ERBB4: variants seen among roughly 807,000 people sequenced by gnomAD.
The protein encoded by ERBB4 is erb-b2 receptor tyrosine kinase 4.
In ERBB4, 42 loss-of-function variants were observed where a neutral mutation model predicts 158.0. The observed-to-expected ratio is 0.27, with a 90% CI of 0.21 to 0.34. The LOEUF (loss-of-function observed/expected upper bound fraction) is 0.34, where lower values mean the gene tolerates loss of function less well. ERBB4 is among the 10% of genes least tolerant of loss of function. The probability of loss-of-function intolerance (pLI) is 1.00; values close to 1 mark genes in which losing one functional copy is unlikely to be tolerated. For synonymous variants in ERBB4, 583 were observed against 558.7 expected (o/e 1.04, Z -0.61); for missense variants, 1,333 against 1,624.1 (o/e 0.82, Z 3.08).
At chr2:211,928,871 A>C (rs984982330) in intron 3 of ERBB4, among the ~76,000 whole-genome samples, 1 of 152,190 alleles carries the variant, frequency 6.6e-6, no homozygotes, top group Non-Finnish European at 1.5e-5. Context: ...CTAAAGCTCC[A>C]AAAACAATGA....
intron 3 of ERBB4, among the ~76,000 whole-genome samples, chr2:211,839,149 G>C (rs2077409081): frequency 1.1e-5 from 1 of 89,178 alleles, no homozygotes; most frequent in Non-Finnish European, 2.2e-5. Context: ...GAGGGAGAGA[G>C]AGAAGGAGGA....
intron 2 of ERBB4, chr2:211,960,661 T>A (rs151229613): frequency 5.5e-4 from 83 of 152,232 alleles, no homozygotes; most frequent in Admixed American, 2.0e-3. Context: ...AAATTGAGTG[T>A]CTTGTGAGGA....
chr2:212,215,533 T>G (rs1426979427), intron 1 of ERBB4, among the ~76,000 whole-genome samples: 1 of 151,390 alleles, frequency 6.6e-6, no homozygotes, highest in Non-Finnish European at 1.5e-5. Flanking sequence ...TAGCATGAAA[T>G]AGAAATAATA....
At chr2:212,245,355 A>G (rs922198662) in intron 1 of ERBB4, among the ~76,000 whole-genome samples, 4 of 152,156 alleles carry the variant, frequency 2.6e-5, no homozygotes, top group Non-Finnish European at 4.4e-5. Context: ...TCCTGTTACT[A>G]TCTCATGAAA....
At chr2:212,061,319 G>A (rs2077756853) in intron 2 of ERBB4, among the ~76,000 whole-genome samples, 1 of 151,614 alleles carries the variant, frequency 6.6e-6, no homozygotes, top group African/African-American at 2.4e-5. Context: ...AGGGTGTGGT[G>A]GTTCGTGACT....
rs2125683276 is a variant in ERBB4, at chr2:211,541,187, A to G, written c.2487+20716T>C. Among the ~76,000 whole-genome samples, 4 of 152,036 alleles carry G rather than the reference A, an allele frequency of 2.6e-5. 1 individual carries two copies. The Middle Eastern group carries it at 0.01, about 388-fold the overall frequency. On this transcript the variant is annotated intron_variant, in intron 20 of 27. Coordinates refer to ENST00000342788, the MANE Select transcript of ERBB4 (RefSeq NM_005235.3). Reference sequence around the variant, plus strand: ...TTAAATATACTTGTCTTGGCGCTCAAGGGATTTATGCTATTTCCTCATAGA... The same window carrying G: ...TTAAATATACTTGTCTTGGCGCTCAGGGGATTTATGCTATTTCCTCATAGA...
intron 1 of ERBB4, among the ~76,000 whole-genome samples, chr2:212,391,103 T>C (rs73060379): frequency 0.025 from 3,745 of 151,848 alleles, 146 homozygotes; most frequent in African/African-American, 0.084. Flanking sequence ...AATATTTCCA[T>C]TACTTTAACA....
chr2:211,384,140 CTTCT>C, intron 27 of ERBB4, 80 bp from the exon 28 acceptor site: 1 of 1,020,184 alleles, frequency 9.8e-7, no homozygotes, highest in African/African-American at 1.6e-5. Flanking sequence ...TAATGGTTAG[CTTCT>C]TTGTCTAGAA....
chr2:212,375,578 T>C (rs1217856454), intron 1 of ERBB4, among the ~76,000 whole-genome samples: 1 of 152,082 alleles, frequency 6.6e-6, no homozygotes, highest in African/African-American at 2.4e-5. Flanking sequence ...TTCTGGATGT[T>C]ACAGTTCTTA....
intron 12 of ERBB4, among the ~76,000 whole-genome samples, chr2:211,687,119 A>G (rs1255941412): frequency 7.8e-5 from 10 of 127,678 alleles, no homozygotes; most frequent in African/African-American, 2.9e-4. Context: ...ACATGGTGAA[A>G]CCCCATCTCT....
chr2:212,410,922 T>C (rs2091479520), intron 1 of ERBB4, among the ~76,000 whole-genome samples: 1 of 152,100 alleles, frequency 6.6e-6, no homozygotes, highest in South Asian at 2.1e-4. Context: ...AATAATGAAC[T>C]ACAGCTACAC....
At chr2:211,900,489 A>G (rs189822274) in intron 3 of ERBB4, among the ~76,000 whole-genome samples, 4 of 152,226 alleles carry the variant, frequency 2.6e-5, no homozygotes, top group Admixed American at 2.0e-4. Context: ...AGAAAAAAAA[A>G]GGTTCCTGTT....
chr2:212,164,846 A>T (rs1392014077), intron 1 of ERBB4, among the ~76,000 whole-genome samples: 2 of 152,056 alleles, frequency 1.3e-5, no homozygotes, highest in Non-Finnish European at 2.9e-5. Flanking sequence ...ATTTTGAATA[A>T]AGAACCTGCA....
intron 19 of ERBB4, among the ~76,000 whole-genome samples, chr2:211,580,862 T>TAG (rs2068070774): frequency 2.0e-4 from 1 of 4,910 alleles, no homozygotes; most frequent in Non-Finnish European, 1.5e-3. Flanking sequence ...ATAGTATGCA[T>TAG]ATACATATAT....
intron 1 of ERBB4, among the ~76,000 whole-genome samples, chr2:212,449,271 C>G (rs1291540382): frequency 6.6e-6 from 1 of 152,082 alleles, no homozygotes; most frequent in Admixed American, 6.5e-5. Context: ...GCACATTAAT[C>G]AACTAAAATA....
In ERBB4 at chr2:212,499,669, T is replaced by C. The variant is rs568937369; in HGVS notation, c.82+38780A>G. On this transcript the variant is annotated intron_variant, in intron 1 of 27. Coordinates refer to ENST00000342788, the MANE Select transcript of ERBB4 (RefSeq NM_005235.3). The stretch of plus-strand genomic sequence containing the variant: ...AGGATGATAGCATAAAATCAATAAC[T>C]ATAACCATCCATGTTTGAAGGAATG... Among the ~76,000 whole-genome samples, 96 of 152,178 alleles carry C rather than the reference T, an allele frequency of 6.3e-4. 3 individuals carry two copies. The South Asian group carries it at 0.019, about 30-fold the overall frequency.
chr2:212,166,126 C>A (rs974856658), intron 1 of ERBB4, among the ~76,000 whole-genome samples: 18 of 151,944 alleles, frequency 1.2e-4, no homozygotes, highest in Admixed American at 5.3e-4. Flanking sequence ...GGCTAAGCAG[C>A]TACTCTCCTT....
intron 4 of ERBB4, among the ~76,000 whole-genome samples, chr2:211,752,957 C>T (rs1187060700): frequency 2.0e-5 from 3 of 152,192 alleles, no homozygotes; most frequent in Admixed American, 6.5e-5. Context: ...ATTGACTGTA[C>T]TCCCATAAAT....
intron 3 of ERBB4, among the ~76,000 whole-genome samples, chr2:211,927,657 G>C (rs2080054095): frequency 6.6e-6 from 1 of 151,966 alleles, no homozygotes; most frequent in African/African-American, 2.4e-5. Context: ...CACAAATGTA[G>C]AGTGAGGAAG....
Sources: gnomAD v4.1 joint callset for allele counts (sites outside exome capture counted in the v4.1 genomes callset) on GRCh38, gnomAD v4.1.1 for gene constraint, MANE v1.5 for transcripts, NCBI Gene and HGNC (gene_info 2026-07-23, HGNC 2026-07-21) for gene names.